Variants in NECAB1 observed in about 807,000 individuals in gnomAD.
NECAB1 encodes N-terminal EF-hand calcium-binding protein 1.
In NECAB1, 29 loss-of-function variants were observed where a neutral mutation model predicts 57.5. That is an observed-to-expected ratio of 0.50 (90% CI 0.38 to 0.69). The LOEUF (loss-of-function observed/expected upper bound fraction) is 0.69. Ranked by LOEUF, NECAB1 falls within the 30% of genes least tolerant of loss-of-function variation. NECAB1 has a pLI of 0.00. For synonymous variants in NECAB1, 142 were observed against 147.7 expected (o/e 0.96, Z 0.28); for missense variants, 372 against 413.8 (o/e 0.90, Z 0.88).
At chr8:90,864,827 A>G (rs918838236) in intron 3 of NECAB1, among the ~76,000 whole-genome samples, 1 of 152,086 alleles carries the variant, frequency 6.6e-6, no homozygotes. Context: ...GCCACTTCAG[A>G]GGTAAGGGGG....
At chr8:90,805,167 A>T (rs1811827118) in intron 2 of NECAB1, among the ~76,000 whole-genome samples, 1 of 152,238 alleles carries the variant, frequency 6.6e-6, no homozygotes, top group South Asian at 2.1e-4. Context: ...TCTAATGTAA[A>T]TGAGAAGATA....
chr8:90,803,072 T>C (rs1811787973), intron 2 of NECAB1, among the ~76,000 whole-genome samples: 1 of 152,130 alleles, frequency 6.6e-6, no homozygotes, highest in East Asian at 1.9e-4. Context: ...AATTTTTGTA[T>C]TTTTAGTAGT....
At position 90,890,004 on chromosome 8, in the gene NECAB1, ATCTT is replaced by A. The variant is rs1809118899; in HGVS notation, c.357+8876_357+8879del. 3.3e-5 allele frequency among the ~76,000 whole-genome samples: 5 copies of A among 152,016 alleles called. No homozygotes were observed. The South Asian group carries it at 1.0e-3, about 32-fold the overall frequency. On this transcript the variant is annotated intron_variant, in intron 5 of 12. Transcript: ENST00000417640. ...GTGTGTGGTGGAGTGGTGGAAGAAA[ATCTT>A]TATCTGTTTTTTCCCTCCATTTATA...
At chr8:90,857,434 A>G (rs1174835481) in intron 3 of NECAB1, among the ~76,000 whole-genome samples, 5 of 152,198 alleles carry the variant, frequency 3.3e-5, no homozygotes, top group Non-Finnish European at 7.4e-5. Context: ...AACTAAGAAG[A>G]AAAACTGTAT....
chr8:90,899,013 T>C (rs1809431687), intron 5 of NECAB1, among the ~76,000 whole-genome samples: 1 of 152,192 alleles, frequency 6.6e-6, no homozygotes, highest in Non-Finnish European at 1.5e-5. Flanking sequence ...AGTGGGAAGA[T>C]CCTTCAGGCT....
At chr8:90,808,188 G>T (rs1454815783) in intron 2 of NECAB1, among the ~76,000 whole-genome samples, 2 of 152,026 alleles carry the variant, frequency 1.3e-5, no homozygotes, top group Non-Finnish European at 2.9e-5. Context: ...GGCTCCCAAG[G>T]GCTGTCAAAG....
rs190875610 is a variant in NECAB1 at position 90,899,378 on chromosome 8, T to C, written c.358-18114T>C. On this transcript the variant is annotated intron_variant, in intron 5 of 12. Transcript: ENST00000417640. ...ATCTGTGAAAATTCAGCTTTAAAGA[T>C]CCACTTCTCTTACTCTCAAAGGTTT... Among the ~76,000 whole-genome samples the C allele has an allele frequency of 1.8e-3, 267 of 152,310 alleles. 2 individuals are homozygous for C. The highest frequency in any genetic ancestry group is 0.01 in the Middle Eastern group (3 of 294).
chr8:90,843,814 G>GA (rs1812503245), intron 3 of NECAB1, among the ~76,000 whole-genome samples: 2 of 152,232 alleles, frequency 1.3e-5, no homozygotes, highest in East Asian at 1.9e-4. Context: ...TCAAGGAAAA[G>GA]AAAAAATCCT....
intron 9 of NECAB1, among the ~76,000 whole-genome samples, chr8:90,938,015 T>C (rs1283435580): frequency 6.6e-6 from 1 of 152,154 alleles, no homozygotes; most frequent in African/African-American, 2.4e-5. Flanking sequence ...AAGACATATT[T>C]GAAACACAAC....
chr8:90,836,830 T>C (rs1427677989), intron 3 of NECAB1, among the ~76,000 whole-genome samples: 1 of 152,224 alleles, frequency 6.6e-6, no homozygotes, highest in Non-Finnish European at 1.5e-5. Context: ...TGAATGAATA[T>C]TACTTTATTT....
chr8:90,958,084 CT>C lies in NECAB1; in HGVS notation c.*2589del, dbSNP rs773299953. 0.11 allele frequency: 15,399 copies of C among 136,356 alleles called. 827 individuals carry two copies. The highest frequency in any genetic ancestry group is 0.15 in the African/African-American group (5,801 of 37,930). The allele number at this position is 136,356 out of a possible 1,614,324, so 8.4% of individuals were successfully genotyped here. On this transcript the variant is annotated 3_prime_UTR_variant, in exon 13 of 13. Transcript: ENST00000417640. Reference sequence around the variant, plus strand: ...TCAGCAGATTTTTCTGGAAGAAACCCTTTTTTTTTTTTTTTTTAAACAGTAA... The same window carrying C: ...TCAGCAGATTTTTCTGGAAGAAACCCTTTTTTTTTTTTTTTTAAACAGTAA...
chr8:90,899,869 G>A (rs570057715), intron 5 of NECAB1, among the ~76,000 whole-genome samples: 73 of 152,178 alleles, frequency 4.8e-4, no homozygotes, highest in African/African-American at 1.5e-3. Flanking sequence ...AAACAGAATA[G>A]TTCTGAAAAT....
chr8:90,869,043 C>G (rs756447105), intron 3 of NECAB1, among the ~76,000 whole-genome samples: 1 of 152,150 alleles, frequency 6.6e-6, no homozygotes, highest in Non-Finnish European at 1.5e-5. Context: ...GCTCCAGCCA[C>G]GGCTAAAAGG....
At chr8:90,896,632 C>CAA (rs754656720) in intron 5 of NECAB1, among the ~76,000 whole-genome samples, 46 of 151,506 alleles carry the variant, frequency 3.0e-4, no homozygotes, top group Non-Finnish European at 4.4e-4. Flanking sequence ...AAAACAAAAA[C>CAA]AAAAAAAACA....
At chr8:90,823,799 T>C (rs75522015) in intron 2 of NECAB1, among the ~76,000 whole-genome samples, 3,429 of 151,954 alleles carry the variant, frequency 0.023, 132 homozygotes, top group African/African-American at 0.079. Flanking sequence ...CTTTTACAGT[T>C]ATTTGGCAGC....
At chr8:90,890,718 C>T (rs1009741103) in intron 5 of NECAB1, among the ~76,000 whole-genome samples, 11 of 152,250 alleles carry the variant, frequency 7.2e-5, no homozygotes, top group Admixed American at 2.6e-4. Context: ...AAAGAGGGTT[C>T]CAGATTTTAA....
intron 3 of NECAB1, among the ~76,000 whole-genome samples, chr8:90,853,949 G>A (rs1359695366): frequency 6.6e-6 from 1 of 152,056 alleles, no homozygotes; most frequent in Non-Finnish European, 1.5e-5. Context: ...GTAAGGAAAA[G>A]GAATTGGTTA....
chr8:90,906,874 CACATATATATATATATATATAT>C (rs1809666415), intron 5 of NECAB1, among the ~76,000 whole-genome samples: 3 of 42,644 alleles, frequency 7.0e-5, no homozygotes, highest in African/African-American at 2.1e-4. Flanking sequence ...ATATGATATA[CACATATATATATATATATATAT>C]ATATATATAT....
chr8:90,850,129 C>CAG (rs746052777), intron 3 of NECAB1, among the ~76,000 whole-genome samples: 2 of 151,918 alleles, frequency 1.3e-5, no homozygotes, highest in African/African-American at 2.4e-5. Context: ...CAGCAAGGAA[C>CAG]AGAGAGAGAG....
Sources: gnomAD v4.1 joint callset for allele counts (sites outside exome capture counted in the v4.1 genomes callset) on GRCh38, gnomAD v4.1.1 for gene constraint, MANE v1.5 for transcripts, NCBI Gene and HGNC (gene_info 2026-07-23, HGNC 2026-07-21) for gene names.